The following ARHGAP23 variants were observed in gnomAD, a reference collection of about 807,000 sequenced individuals.
ARHGAP23 encodes the protein rho GTPase-activating protein 23.
ARHGAP23 carries 34 observed loss-of-function variants against 136.3 expected under a neutral mutation model. The ratio of observed to expected loss-of-function variants is 0.25; its 90% CI spans 0.19 to 0.33. The LOEUF (loss-of-function observed/expected upper bound fraction) is 0.33. ARHGAP23 is among the 10% of genes least tolerant of loss of function. The pLI, the probability that ARHGAP23 is intolerant of heterozygous loss-of-function variation, is 1.00. For missense variants in ARHGAP23, 1,808 were observed against 2,139.0 expected (o/e 0.85, Z 3.05); for synonymous variants, 832 against 920.5 (o/e 0.90, Z 1.74).
intron 23 of ARHGAP23, among the ~76,000 whole-genome samples, chr17:38,508,261 C>A (rs1486847800): frequency 6.6e-6 from 1 of 152,150 alleles, no homozygotes; most frequent in East Asian, 1.9e-4. Flanking sequence ...CATGTTCGAG[C>A]TGGGCCTTGT....
chr17:38,420,834 T>C (rs1164578312), intron 1 of ARHGAP23, among the ~76,000 whole-genome samples: 1 of 150,600 alleles, frequency 6.6e-6, no homozygotes, highest in Non-Finnish European at 1.5e-5. Context: ...AAAATAGTGG[T>C]AGGGCGGGGA....
chr17:38,510,365 AGGGCGCGGC>A lies in ARHGAP23; in HGVS notation c.3878_3886del (p.Ala1293_Ala1295del). 8.0e-7 allele frequency: 1 copy of A among 1,248,978 alleles called. No homozygotes were observed. The allele number at this position is 1,248,978 out of a possible 1,614,324, so 77.4% of individuals were successfully genotyped here. On this transcript the variant is annotated inframe_deletion, in exon 24 of 24. Coordinates refer to ENST00000622683, the MANE Select transcript of ARHGAP23 (RefSeq NM_001199417.2). This position sits in a 1 kb window ranked among gnomAD's most constrained non-coding sequence, Gnocchi z 4.6. ...CTGAGCCACGTGGAGACGGACACTG[AGGGCGCGGC>A]GGGCGCGGGGCCTGGGGGGCGCCTG...
intron 1 of ARHGAP23, chr17:38,450,999 G>C (rs1293183505): frequency 2.6e-5 from 4 of 152,300 alleles, no homozygotes; most frequent in Non-Finnish European, 4.4e-5. Flanking sequence ...AGCTGGGCAG[G>C]GCGTGGGGGG....
At chr17:38,475,073 G>A (rs1476986874) in intron 11 of ARHGAP23, among the ~76,000 whole-genome samples, 2 of 152,328 alleles carry the variant, frequency 1.3e-5, no homozygotes, top group African/African-American at 2.4e-5. Context: ...GCCAAAACCC[G>A]ATATCACTTG....
Position 38,510,044 on chromosome 17 carries a change from G to C in ARHGAP23, c.3548G>C (p.Arg1183Pro), listed in dbSNP as rs1242761118. ...NRKRKKRREA[R>P]GLGSSTDDDS... ...AAGCGCAAGAAGCGGCGGGAGGCGC[G>C]GGGGCTGGGCAGCAGCACCGACGAC... is the stretch of plus-strand genomic sequence containing the variant. Residue 1183 changes from arginine to proline, a missense_variant, in exon 24 of 24, where the codon CGG becomes CCG. Coordinates refer to ENST00000622683, the MANE Select transcript of ARHGAP23 (RefSeq NM_001199417.2). This position sits in a 1 kb window ranked among gnomAD's most constrained non-coding sequence, Gnocchi z 4.6. 7 of 1,244,010 alleles carry C rather than the reference G, an allele frequency of 5.6e-6. No individual in the cohort carries two copies. The highest frequency in any genetic ancestry group is 6.0e-6 in the Non-Finnish European group (6 of 994,768). The allele number at this position is 1,244,010 out of a possible 1,614,324, so 77.1% of individuals were successfully genotyped here. A position where few individuals can be genotyped will look rare whatever the true frequency, so the allele number is the denominator to read the frequency against.
Position 38,490,113 on chromosome 17 carries a change from G to C in ARHGAP23, c.2998G>C (p.Asp1000His). ...CCGCTGTGTTCTAGACAAATACAACGACTTCATCGAGGCCAACCGCATTGA... is the reference window on the plus strand; with the variant it reads ...CCGCTGTGTTCTAGACAAATACAACCACTTCATCGAGGCCAACCGCATTGA... ...EPLFTDDKYN[D>H]FIEANRIEDA... Residue 1000 changes from aspartate (D) to histidine (H), a missense_variant, in exon 18 of 24, where the codon GAC becomes CAC. Asp to His is a moderately conservative substitution (Grantham distance 81, BLOSUM62 -1). Coordinates refer to ENST00000622683, the MANE Select transcript of ARHGAP23 (RefSeq NM_001199417.2). 2 of 1,551,704 alleles carry C rather than the reference G, an allele frequency of 1.3e-6. No individual in the cohort carries two copies. Among genetic ancestry groups the C allele is most frequent in the Admixed American group, 2.0e-5 (1 of 50,998 alleles).
rs868376528 is a variant in ARHGAP23, at chr17:38,466,509, C to T, written c.826C>T (p.Arg276Trp). The change falls in exon 7 of 24, where the codon CGG becomes TGG. Residue 276 changes from arginine (R) to tryptophan (W), a missense_variant. Around this residue, in one of 7 missense-constraint regions of ARHGAP23, gnomAD observed 859 missense variants for 936.4 expected, o/e 0.92. Coordinates refer to ENST00000622683, the MANE Select transcript of ARHGAP23 (RefSeq NM_001199417.2). The part of the protein sequence containing the change: ...TPRAFPEPGS[R>W]VPPSRLECQQ... ...CCGTGCCTTCCCAGAGCCTGGCAGC[C>T]GGGTGCCCCCCAGCAGACTGGAGTG... is the stretch of plus-strand genomic sequence containing the variant. The T allele has an allele frequency of 1.5e-5, 22 of 1,485,080 alleles. No individual in the cohort carries two copies. Among genetic ancestry groups the T allele is most frequent in the Admixed American group, 1.1e-4 (5 of 44,736 alleles). The allele number at this position is 1,485,080 out of a possible 1,614,324, so 92.0% of individuals were successfully genotyped here. A position where few individuals can be genotyped will look rare whatever the true frequency, so the allele number is the denominator to read the frequency against.
chr17:38,479,391 G>C (rs1487462105), intron 12 of ARHGAP23, 45 bp from the exon 13 acceptor site: 1 of 1,508,306 alleles, frequency 6.6e-7, no homozygotes, highest in Non-Finnish European at 9.0e-7. Flanking sequence ...GGGGTGGGCT[G>C]GCTGTGGGCA....
At chr17:38,486,288 C>T (rs1169441356) in intron 17 of ARHGAP23, 148 bp downstream of exon 17, 7 of 759,908 alleles carry the variant, frequency 9.2e-6, no homozygotes, top group African/African-American at 1.8e-5. Context: ...AGTGCAGTGG[C>T]GCAATCACGG....
Position 38,479,738 on chromosome 17 carries a change from C to A in ARHGAP23, c.2499-15C>A. 6.8e-7 allele frequency: 1 copy of A among 1,467,370 alleles called. No individual in the cohort carries two copies. Among genetic ancestry groups the A allele is most frequent in the Non-Finnish European group, 9.0e-7 (1 of 1,108,268 alleles). The allele number at this position is 1,467,370 out of a possible 1,614,324, so 90.9% of individuals were successfully genotyped here. ...CCAAATGAAGACCTCTCCTCTCCCC[C>A]TTTTTCCTACACAGCCATAGCTCTG... On this transcript the variant is annotated splice_polypyrimidine_tract_variant and intron_variant, in intron 13 of 23. Transcript: ENST00000622683.
At chr17:38,480,360 G>A (rs555016881) in intron 14 of ARHGAP23, among the ~76,000 whole-genome samples, 7 of 152,250 alleles carry the variant, frequency 4.6e-5, no homozygotes, top group East Asian at 1.9e-4. Flanking sequence ...AAGGCCGGGC[G>A]CGATGGCTCA....
chr17:38,463,129 G>A lies in ARHGAP23; in HGVS notation c.361G>A (p.Val121Ile). The part of the protein sequence containing the change: ...RAGLRTGDRL[V>I]KVNGESVIGK... ...CTCCTTGTCCCCAGGAGACCGGCTG[G>A]TAAAGGTGAATGGGGAAAGCGTCAT... is the stretch of plus-strand genomic sequence containing the variant. The change falls in exon 5 of 24, where the codon GTA (valine) becomes ATA (isoleucine). Residue 121 changes from valine (V) to isoleucine (I), a missense_variant. Transcript: ENST00000622683. 1 of 1,551,482 alleles carries A rather than the reference G, an allele frequency of 6.4e-7. No individual in the cohort carries two copies. Among genetic ancestry groups the A allele is most frequent in the Non-Finnish European group, 8.7e-7 (1 of 1,146,868 alleles).
At chr17:38,509,385 G>T (rs1424914633) in intron 23 of ARHGAP23, among the ~76,000 whole-genome samples, 1 of 152,128 alleles carries the variant, frequency 6.6e-6, no homozygotes, top group East Asian at 1.9e-4. Context: ...GAGCTGGTGG[G>T]GTCCGGCGGA....
intron 1 of ARHGAP23, among the ~76,000 whole-genome samples, chr17:38,439,355 A>T (rs2038871227): frequency 6.6e-6 from 1 of 152,062 alleles, no homozygotes; most frequent in Non-Finnish European, 1.5e-5. Context: ...CCACTCAAAT[A>T]TATGGCGACT....
At chr17:38,469,079 T>C in intron 7 of ARHGAP23, 65 bp from the exon 8 acceptor site, 1 of 1,485,808 alleles carries the variant, frequency 6.7e-7, no homozygotes, top group Non-Finnish European at 9.0e-7. Flanking sequence ...CTGGCAAGGC[T>C]AGGGTGGAGG....
At chr17:38,472,947 C>CT (rs930768928) in intron 11 of ARHGAP23, among the ~76,000 whole-genome samples, 2 of 152,068 alleles carry the variant, frequency 1.3e-5, no homozygotes, top group African/African-American at 2.4e-5. Flanking sequence ...TATTTGTTTT[C>CT]TTTTTTTGAG....
chr17:38,467,433 G>C, intron 7 of ARHGAP23, 102 bp downstream of exon 7: 3 of 1,091,690 alleles, frequency 2.7e-6, no homozygotes, highest in Non-Finnish European at 3.8e-6. Context: ...AATTCGGCTG[G>C]GTGCTGGTGG....
intron 5 of ARHGAP23, 47 bp downstream of exon 5, chr17:38,463,243 G>T (rs1335738323): frequency 1.9e-6 from 3 of 1,550,796 alleles, no homozygotes; most frequent in East Asian, 2.4e-5. Flanking sequence ...CCTCCCCTTT[G>T]CCCTGGGGAT....
At chr17:38,468,806 G>A (rs887418488) in intron 7 of ARHGAP23, among the ~76,000 whole-genome samples, 3 of 152,150 alleles carry the variant, frequency 2.0e-5, no homozygotes, top group Admixed American at 6.5e-5. Flanking sequence ...GTCTGAGAGG[G>A]GAGACATAAT....
Sources: gnomAD v4.1 joint callset for allele counts (sites outside exome capture counted in the v4.1 genomes callset) on GRCh38, gnomAD v4.1.1 for gene constraint, gnomAD v4.1.1 regional missense constraint, Gnocchi (gnomAD v3.1) non-coding constraint, MANE v1.5 for transcripts, NCBI Gene and HGNC (gene_info 2026-07-23, HGNC 2026-07-21) for gene names.